VOPP1: variants seen among roughly 807,000 people sequenced by gnomAD.
VOPP1 encodes the protein VOPP1 WW domain binding protein, also known as WW domain binding protein VOPP1.
Under a neutral mutation model 23.5 loss-of-function variants are expected in VOPP1, and 8 were observed. The ratio of observed to expected loss-of-function variants is 0.34; its 90% CI spans 0.20 to 0.61. The LOEUF (loss-of-function observed/expected upper bound fraction) is 0.61, where lower values mean the gene tolerates loss of function less well. Among genes scored for constraint, VOPP1 ranks in the 20% least tolerant of loss-of-function variants. The probability of loss-of-function intolerance (pLI) is 0.78; values close to 1 mark genes in which losing one functional copy is unlikely to be tolerated. For synonymous variants in VOPP1, 83 were observed against 97.3 expected (o/e 0.85, Z 0.86); for missense variants, 174 against 238.1 (o/e 0.73, Z 1.77).
At chr7:55,497,554 T>TGGGGGGGG (rs58951420) in intron 3 of VOPP1, 59 bp downstream of exon 3, 8 of 976,260 alleles carry the variant, frequency 8.2e-6, no homozygotes, top group African/African-American at 1.9e-5. Flanking sequence ...ACAACACTGA[T>TGGGGGGGG]GGGGGGGGGG....
At chr7:55,483,451 C>T (rs1042391648) in intron 4 of VOPP1, among the ~76,000 whole-genome samples, 1 of 151,822 alleles carries the variant, frequency 6.6e-6, no homozygotes. Flanking sequence ...TTCACTCAAC[C>T]CTTCAGTAAG....
intron 1 of VOPP1, chr7:55,572,010 G>T (rs1798378470): frequency 4.9e-6 from 2 of 406,536 alleles, no homozygotes; most frequent in Non-Finnish European, 8.9e-6. Context: ...CGGTCGGCGC[G>T]GGAAACGCGC....
At chr7:55,565,955 C>T (rs1037355385) in intron 1 of VOPP1, among the ~76,000 whole-genome samples, 7 of 152,200 alleles carry the variant, frequency 4.6e-5, no homozygotes, top group Admixed American at 2.6e-4. Context: ...GCCCACTTAA[C>T]ACTGGCAGAT....
intron 4 of VOPP1, among the ~76,000 whole-genome samples, chr7:55,447,081 CCA>C (rs1322000431): frequency 6.6e-6 from 1 of 152,186 alleles, no homozygotes; most frequent in Non-Finnish European, 1.5e-5. Flanking sequence ...CCCAGGGGCT[CCA>C]GTGTGGAGTT....
At chr7:55,556,580 G>T (rs550867210) in intron 1 of VOPP1, among the ~76,000 whole-genome samples, 1 of 151,944 alleles carries the variant, frequency 6.6e-6, no homozygotes, top group Non-Finnish European at 1.5e-5. Context: ...ACACATTGGG[G>T]CTTTAAGAAC....
intron 4 of VOPP1, among the ~76,000 whole-genome samples, chr7:55,449,261 CG>C (rs945235015): frequency 6.6e-6 from 1 of 152,172 alleles, no homozygotes; most frequent in Non-Finnish European, 1.5e-5. Flanking sequence ...AGGGGACGGC[CG>C]GGGAGGGCCC....
intron 4 of VOPP1, among the ~76,000 whole-genome samples, chr7:55,477,249 C>T (rs1792327213): frequency 6.6e-6 from 1 of 152,184 alleles, no homozygotes; most frequent in Non-Finnish European, 1.5e-5. Context: ...ATTTTCTGAG[C>T]CTTCTGAACA....
rs993108900 is a variant in VOPP1 at position 55,505,460 on chromosome 7, C to T, written c.114-7770G>A. On this transcript the variant is annotated intron_variant, in intron 2 of 4. Coordinates refer to ENST00000285279, the MANE Select transcript of VOPP1 (RefSeq NM_030796.5). ...AGGAGTGCGCAGAAAAGGAGGGTGA[C>T]GTGGTAAGACGGAAAGGTGACAGCC... is the stretch of plus-strand genomic sequence containing the variant. 4.6e-5 allele frequency among the ~76,000 whole-genome samples: 7 copies of T among 151,938 alleles called. 1 individual carries two copies. The highest frequency in any genetic ancestry group is 9.7e-5 in the African/African-American group (4 of 41,314).
chr7:55,521,363 CTGAG>C (rs980116641), intron 1 of VOPP1, among the ~76,000 whole-genome samples: 23 of 152,142 alleles, frequency 1.5e-4, no homozygotes, highest in African/African-American at 5.3e-4. Context: ...TCTATATACA[CTGAG>C]TGTCAGCATT....
At chr7:55,474,175 G>A (rs893403350) in intron 4 of VOPP1, among the ~76,000 whole-genome samples, 12 of 152,330 alleles carry the variant, frequency 7.9e-5, no homozygotes, top group East Asian at 1.9e-4. Context: ...CATCTGTGCC[G>A]TCCCACAGAC....
intron 1 of VOPP1, chr7:55,537,503 G>A (rs1457984066): frequency 1.3e-6 from 2 of 1,535,998 alleles, no homozygotes; most frequent in East Asian, 2.4e-5. Context: ...GCAAGCACCT[G>A]AGCATGTGAG....
At chr7:55,479,150 C>CTT (rs56389484) in intron 4 of VOPP1, among the ~76,000 whole-genome samples, 1,887 of 145,640 alleles carry the variant, frequency 0.013, 13 homozygotes, top group Middle Eastern at 0.022. Context: ...AGAACATTTT[C>CTT]TTTTTTTTTT....
At chr7:55,560,139 T>TGAG (rs1797938418) in intron 1 of VOPP1, among the ~76,000 whole-genome samples, 1 of 151,986 alleles carries the variant, frequency 6.6e-6, no homozygotes, top group Non-Finnish European at 1.5e-5. Context: ...GGGAAAAGAG[T>TGAG]GAGGCTCTGT....
intron 1 of VOPP1, chr7:55,521,486 C>T (rs907731073): frequency 2.0e-6 from 2 of 986,102 alleles, no homozygotes; most frequent in Non-Finnish European, 2.5e-6. Context: ...ATTGCCACTG[C>T]CCCCCAATTT....
At chr7:55,539,899 G>GCA (rs60831624) in intron 1 of VOPP1, among the ~76,000 whole-genome samples, 11,252 of 139,146 alleles carry the variant, frequency 0.081, 494 homozygotes, top group African/African-American at 0.11. Flanking sequence ...CATAAGCGCT[G>GCA]CACACACACA....
At chr7:55,485,977 G>A (rs371196200) in intron 4 of VOPP1, among the ~76,000 whole-genome samples, 13 of 152,238 alleles carry the variant, frequency 8.5e-5, no homozygotes, top group East Asian at 3.9e-4. Context: ...CGAGGCGGGC[G>A]GGGGACCTGT....
At chr7:55,465,724 T>C (rs1043104471), downstream of VOPP1, among the ~76,000 whole-genome samples, 3 of 152,306 alleles carry the variant, frequency 2.0e-5, no homozygotes, top group South Asian at 4.2e-4. Context: ...GACTGGAGAT[T>C]AAATCATTTG....
At chr7:55,476,918 G>A (rs1202554262) in intron 4 of VOPP1, among the ~76,000 whole-genome samples, 3 of 152,170 alleles carry the variant, frequency 2.0e-5, no homozygotes, top group Non-Finnish European at 2.9e-5. Flanking sequence ...GTGTCTCACC[G>A]CCTGCCCTAT....
chr7:55,485,017 A>G lies in VOPP1; in HGVS notation c.328+7265T>C, dbSNP rs542256412. Among the ~76,000 whole-genome samples, 46 of 152,286 alleles carry G rather than the reference A, an allele frequency of 3.0e-4. 1 individual carries two copies. In the South Asian group the frequency reaches 9.1e-3, roughly 30 times the overall value. On this transcript the variant is annotated intron_variant, in intron 4 of 4. Coordinates refer to ENST00000285279, the MANE Select transcript of VOPP1 (RefSeq NM_030796.5). Reference sequence around the variant, plus strand: ...AAACCAGCACTGCTCCCAGAAACATAATTACTGGAAACATTTTAAAACTGT... The same window carrying G: ...AAACCAGCACTGCTCCCAGAAACATGATTACTGGAAACATTTTAAAACTGT...
Sources: allele counts gnomAD v4.1 joint callset (sites outside exome capture counted in the v4.1 genomes callset), GRCh38; gene constraint gnomAD v4.1.1; transcripts MANE v1.5; gene names NCBI Gene and HGNC (gene_info 2026-07-23, HGNC 2026-07-21).